SCN10A: variants seen among roughly 807,000 people sequenced by gnomAD.
SCN10A encodes sodium channel protein type 10 subunit alpha.
SCN10A carries 162 observed loss-of-function variants against 170.7 expected under a neutral mutation model. The ratio of observed to expected loss-of-function variants is 0.95; its 90% CI spans 0.84 to 1.08. SCN10A has a LOEUF of 1.08. Among genes scored for constraint, SCN10A ranks in the 50% least tolerant of loss-of-function variants. The pLI is 0.00. For synonymous variants in SCN10A, 985 were observed against 904.6 expected (o/e 1.09, Z -1.59); for missense variants, 2,527 against 2,436.9 (o/e 1.04, Z -0.78).
chr3:38,802,257 G>A (rs1272928012), intron 1 of SCN10A, among the ~76,000 whole-genome samples: 6 of 152,086 alleles, frequency 3.9e-5, no homozygotes, highest in Admixed American at 3.9e-4. Flanking sequence ...TTACTTTTCA[G>A]AGGAGAAAAG....
chr3:38,728,900 A>G lies in SCN10A; in HGVS notation c.2282T>C (p.Leu761Pro), dbSNP rs139988577. 1.9e-5 allele frequency: 31 copies of G among 1,602,338 alleles called. No individual in the cohort carries two copies. Among genetic ancestry groups the G allele is most frequent in the Middle Eastern group, 1.7e-4 (1 of 6,000 alleles). Residue 761 changes from leucine (L) to proline (P), a missense_variant and splice_region_variant, in exon 16 of 28, where the codon CTG becomes CCG. Leu to Pro is a moderately conservative substitution (Grantham distance 98). Transcript: ENST00000449082. ...SLSVLRSFRL[L>P]RVFKLAKSWP... Reference sequence around the variant, plus strand: ...GGATTTGGCCAGCTTGAATACGCGCAGCTGCAGAGAAACAGAGACCGTCAG... The same window carrying G: ...GGATTTGGCCAGCTTGAATACGCGCGGCTGCAGAGAAACAGAGACCGTCAG...
chr3:38,705,026 C>T (rs1490557633), intron 26 of SCN10A, among the ~76,000 whole-genome samples: 2 of 152,222 alleles, frequency 1.3e-5, no homozygotes, highest in Non-Finnish European at 2.9e-5. Context: ...TGCCACTGGG[C>T]ATGTGGGTGT....
chr3:38,714,334 GGTAC>G (rs2063309071), intron 21 of SCN10A, among the ~76,000 whole-genome samples: 1 of 152,136 alleles, frequency 6.6e-6, no homozygotes, highest in African/African-American at 2.4e-5. Flanking sequence ...ACCAACCTCT[GGTAC>G]GTAGGTGGCC....
intron 18 of SCN10A, among the ~76,000 whole-genome samples, 174 bp downstream of exon 18, chr3:38,725,000 C>T (rs899684194): frequency 1.2e-4 from 18 of 152,214 alleles, no homozygotes; most frequent in South Asian, 4.1e-4. Context: ...TGAAATTGTG[C>T]GGATTAGCCG....
Position 38,732,556 on chromosome 3 carries a change from A to G in SCN10A, c.2281-3655T>C, listed in dbSNP as rs73825887. On this transcript the variant is annotated intron_variant, in intron 15 of 27. Coordinates refer to ENST00000449082, the MANE Select transcript of SCN10A (RefSeq NM_006514.4). Reference sequence around the variant, plus strand: ...AGTAATGGAGAAATTGCTTCATTGAAAAAAGGTATTGCCTTTTCAAAAGCA... The same window carrying G: ...AGTAATGGAGAAATTGCTTCATTGAGAAAAGGTATTGCCTTTTCAAAAGCA... Among the ~76,000 whole-genome samples, 645 of 141,858 alleles carry G rather than the reference A, an allele frequency of 4.5e-3. 2 individuals are homozygous for G. The highest frequency in any genetic ancestry group is 0.016 in the African/African-American group (609 of 37,842). 93.1% of individuals were successfully genotyped at this position (141,858 alleles called of 152,430 possible).
chr3:38,737,161 G>A (rs1377969993), intron 15 of SCN10A, among the ~76,000 whole-genome samples: 17 of 149,936 alleles, frequency 1.1e-4, no homozygotes, highest in African/African-American at 3.5e-4. Flanking sequence ...TAGTAGAGAC[G>A]GGGTTTCACC....
Position 38,702,091 on chromosome 3 carries a change from C to G in SCN10A, c.4405G>C (p.Val1469Leu), listed in dbSNP as rs532793715. ...GCTTGTCTGGTCACGATGTCAAAGACAAAACCCTGGAACTTGTTCTGAGAA... is the reference window on the plus strand; with the variant it reads ...GCTTGTCTGGTCACGATGTCAAAGAGAAAACCCTGGAACTTGTTCTGAGAA... Reference protein sequence around the residue: ...PRPLNKFQGFVFDIVTRQAFD... With the variant: ...PRPLNKFQGFLFDIVTRQAFD... The change falls in exon 27 of 28, where the codon GTC becomes CTC. Residue 1469 changes from valine (V) to leucine (L), a missense_variant. Val to Leu is a conservative substitution (Grantham distance 32). Coordinates refer to ENST00000449082, the MANE Select transcript of SCN10A (RefSeq NM_006514.4). 6.4e-7 allele frequency: 1 copy of G among 1,562,248 alleles called. No homozygotes were observed. The highest frequency in any genetic ancestry group is 1.2e-5 in the South Asian group (1 of 81,128).
At chr3:38,730,496 G>A (rs1368082480) in intron 15 of SCN10A, among the ~76,000 whole-genome samples, 1 of 152,128 alleles carries the variant, frequency 6.6e-6, no homozygotes, top group African/African-American at 2.4e-5. Context: ...GAAGGAATGA[G>A]TCATCAAGAG....
At position 38,752,581 on chromosome 3, in the gene SCN10A, T is replaced by A. The variant is rs1576002683; in HGVS notation, c.1462-69A>T. On this transcript the variant is annotated intron_variant, in intron 11 of 27. Transcript: ENST00000449082. ...TCTGGGAAATCTAGAGCCCAACACTTCCCTCTACCTACTCCCATTTCCCTG... is the reference window on the plus strand; with the variant it reads ...TCTGGGAAATCTAGAGCCCAACACTACCCTCTACCTACTCCCATTTCCCTG... 1.9e-5 allele frequency: 25 copies of A among 1,289,678 alleles called. No individual in the cohort carries two copies. The South Asian group carries it at 3.8e-4, about 19-fold the overall frequency. 79.9% of individuals were successfully genotyped at this position (1,289,678 alleles called of 1,614,324 possible).
intron 25 of SCN10A, 94 bp downstream of exon 25, chr3:38,709,384 T>C: frequency 7.6e-7 from 1 of 1,316,696 alleles, no homozygotes; most frequent in Non-Finnish European, 1.0e-6. Context: ...GTGAGTAGTG[T>C]TGGCTTTTGT....
intron 13 of SCN10A, among the ~76,000 whole-genome samples, chr3:38,743,906 T>G (rs574389937): frequency 6.6e-6 from 1 of 152,300 alleles, no homozygotes; most frequent in East Asian, 1.9e-4. Flanking sequence ...CCTGCCTCCG[T>G]TAAATCTCCA....
chr3:38,753,926 C>G (rs913506886), intron 11 of SCN10A, among the ~76,000 whole-genome samples: 1 of 152,140 alleles, frequency 6.6e-6, no homozygotes, highest in Admixed American at 6.5e-5. Context: ...TCCTGGGTCT[C>G]TTCTATATAT....
chr3:38,814,697 A>G lies in SCN10A; in HGVS notation c.-33+1340T>C, dbSNP rs546398603. 2.7e-4 allele frequency among the ~76,000 whole-genome samples: 41 copies of G among 152,278 alleles called. 1 individual carries two copies. The highest frequency in any genetic ancestry group is 9.6e-4 in the African/African-American group (40 of 41,562). ...AAAACATGCTAATGTTTCAATTTAT[A>G]TGCTCATTTATTATTACTATTATCA... On this transcript the variant is annotated intron_variant, in intron 1 of 27. Coordinates refer to ENST00000449082, the MANE Select transcript of SCN10A (RefSeq NM_006514.4).
At chr3:38,779,837 A>T (rs1233609071) in intron 4 of SCN10A, among the ~76,000 whole-genome samples, 7 of 148,708 alleles carry the variant, frequency 4.7e-5, no homozygotes, top group African/African-American at 1.8e-4. Flanking sequence ...AAATTTGGTT[A>T]TTTTTTTTAA....
intron 3 of SCN10A, among the ~76,000 whole-genome samples, chr3:38,790,596 A>C (rs1261193431): frequency 1.3e-5 from 2 of 151,750 alleles, no homozygotes; most frequent in African/African-American, 4.8e-5. Flanking sequence ...ATATATTTTG[A>C]AAAAGCAACA....
intron 1 of SCN10A, among the ~76,000 whole-genome samples, chr3:38,794,894 C>T (rs978381887): frequency 1.3e-5 from 2 of 152,146 alleles, no homozygotes; most frequent in African/African-American, 4.8e-5. Context: ...CAACTTCATA[C>T]CATCAAACCT....
chr3:38,764,411 GT>G (rs1273669042), intron 5 of SCN10A, among the ~76,000 whole-genome samples: 1 of 152,020 alleles, frequency 6.6e-6, no homozygotes, highest in African/African-American at 2.4e-5. Context: ...TTATGTCATT[GT>G]TATGCCTTTG....
intron 26 of SCN10A, among the ~76,000 whole-genome samples, chr3:38,705,600 T>A (rs1043228261): frequency 6.6e-6 from 1 of 152,210 alleles, no homozygotes; most frequent in African/African-American, 2.4e-5. Context: ...ATATGATTTA[T>A]CTTGTCCTAA....
chr3:38,765,979 GT>G lies in SCN10A; in HGVS notation c.600-2384del, dbSNP rs112962289. On this transcript the variant is annotated intron_variant, in intron 5 of 27. Coordinates refer to ENST00000449082, the MANE Select transcript of SCN10A (RefSeq NM_006514.4). ...CTAAGATTTTTTTGTTTTTATTTTT[GT>G]TTTTTTTTTGCAGCTGTTGTAAAAG... Among the ~76,000 whole-genome samples the G allele has an allele frequency of 9.0e-4, 131 of 145,228 alleles. 1 individual carries two copies. Among genetic ancestry groups the G allele is most frequent in the South Asian group, 7.8e-3 (36 of 4,628 alleles).
Sources: allele counts gnomAD v4.1 joint callset (sites outside exome capture counted in the v4.1 genomes callset), GRCh38; gene constraint gnomAD v4.1.1; transcripts MANE v1.5; gene names NCBI Gene and HGNC (gene_info 2026-07-23, HGNC 2026-07-21).